CSMD1: variants seen among roughly 807,000 people sequenced by gnomAD.
The protein encoded by CSMD1 is CUB and sushi domain-containing protein 1.
Under a neutral mutation model 417.5 loss-of-function variants are expected in CSMD1, and 213 were observed. That is an observed-to-expected ratio of 0.51 (90% confidence interval 0.46 to 0.57). CSMD1 has a LOEUF of 0.57. CSMD1 is among the 20% of genes least tolerant of loss of function. The pLI, the probability that CSMD1 is intolerant of heterozygous loss-of-function variation, is 0.00. For missense variants in CSMD1, 6,923 were observed against 4,529.7 expected, an observed-to-expected ratio of 1.53 and a Z score of -15.17; for synonymous variants, 2,862 against 1,736.8, an observed-to-expected ratio of 1.65 and a Z score of -16.11.
Position 3,700,273 on chromosome 8 carries a change from T to A in CSMD1, c.1009+8141A>T, listed in dbSNP as rs1391771009. The stretch of plus-strand genomic sequence containing the variant: ...CTTATGGAAAAAATACGAAAAATAA[T>A]TTTTTACAAAAGAAAATATACCTGC... On this transcript the variant is annotated intron_variant, in intron 7 of 69. Transcript: ENST00000635120. 2.6e-5 allele frequency among the ~76,000 whole-genome samples: 4 copies of A among 152,090 alleles called. 1 individual carries two copies. The South Asian group carries it at 6.2e-4, about 24-fold the overall frequency.
intron 1 of CSMD1, among the ~76,000 whole-genome samples, chr8:4,708,140 A>C (rs1808069135): frequency 6.6e-6 from 1 of 151,868 alleles, no homozygotes. Context: ...TTTTTTGTAG[A>C]GATGGAGTTT....
chr8:4,437,285 C>A (rs769955540), intron 2 of CSMD1, among the ~76,000 whole-genome samples: 1 of 152,010 alleles, frequency 6.6e-6, no homozygotes, highest in African/African-American at 2.4e-5. Context: ...TTTTAAGTAA[C>A]TGAAATATGA....
chr8:4,035,903 C>T (rs1010529433), intron 3 of CSMD1, among the ~76,000 whole-genome samples: 1 of 152,194 alleles, frequency 6.6e-6, no homozygotes, highest in African/African-American at 2.4e-5. Context: ...CCCTCACTCA[C>T]ACACAGACTC....
At position 3,186,852 on chromosome 8, in the gene CSMD1, T is replaced by G. The variant is rs1472995478; in HGVS notation, c.5620+1017A>C. Among the ~76,000 whole-genome samples the G allele has an allele frequency of 2.6e-5, 4 of 152,332 alleles. No homozygotes were observed. The East Asian group carries it at 5.8e-4, about 22-fold the overall frequency. The stretch of plus-strand genomic sequence containing the variant: ...GTAGCTAATCTTTGTTCTTCATTGG[T>G]AAAACAGAGATAGCAATAATCCCTT... On this transcript the variant is annotated intron_variant, in intron 36 of 69. Coordinates refer to ENST00000635120, the MANE Select transcript of CSMD1 (RefSeq NM_033225.6).
chr8:3,464,698 C>T (rs908347301), intron 12 of CSMD1, among the ~76,000 whole-genome samples: 1 of 151,412 alleles, frequency 6.6e-6, no homozygotes, highest in Non-Finnish European at 1.5e-5. Flanking sequence ...AAAATATATA[C>T]TAGTCATATA....
At chr8:3,182,218 G>C (rs899730290) in intron 36 of CSMD1, among the ~76,000 whole-genome samples, 3 of 152,098 alleles carry the variant, frequency 2.0e-5, no homozygotes, top group Non-Finnish European at 2.9e-5. Context: ...ATCATCCTTA[G>C]CTCACCACTT....
intron 5 of CSMD1, among the ~76,000 whole-genome samples, chr8:3,883,224 A>C (rs1341553646): frequency 6.6e-6 from 1 of 152,190 alleles, no homozygotes; most frequent in East Asian, 1.9e-4. Flanking sequence ...TCCTTGAATG[A>C]TTCATTTGAC....
chr8:2,980,554 G>A (rs1421859661), intron 54 of CSMD1, among the ~76,000 whole-genome samples: 2 of 152,040 alleles, frequency 1.3e-5, no homozygotes, highest in African/African-American at 4.8e-5. Context: ...TTCACTGGCA[G>A]ACATTTATTT....
At chr8:4,406,873 T>C (rs1042894804) in intron 3 of CSMD1, among the ~76,000 whole-genome samples, 1 of 152,224 alleles carries the variant, frequency 6.6e-6, no homozygotes, top group African/African-American at 2.4e-5. Context: ...ACAGCTCGTA[T>C]TGAGGGCCAT....
In CSMD1 at chr8:4,074,150, T is replaced by C. The variant is rs371698110; in HGVS notation, c.416-42051A>G. On this transcript the variant is annotated intron_variant, in intron 3 of 69. Transcript: ENST00000635120. ...TGATCATGCTCTCCACGTAAACATA[T>C]ACATATAATGCATAACTTGTATGGT... 3.4e-4 allele frequency among the ~76,000 whole-genome samples: 51 copies of C among 152,176 alleles called. No homozygotes were observed. In the East Asian group the frequency reaches 4.2e-3, roughly 13 times the overall value.
At chr8:3,999,089 T>G (rs1300300609) in intron 4 of CSMD1, among the ~76,000 whole-genome samples, 4 of 151,202 alleles carry the variant, frequency 2.6e-5, no homozygotes, top group African/African-American at 9.7e-5. Context: ...GAGAAGTATT[T>G]TAAAATAACA....
intron 1 of CSMD1, among the ~76,000 whole-genome samples, chr8:4,815,267 G>C (rs952485534): frequency 6.6e-6 from 1 of 151,884 alleles, no homozygotes; most frequent in Non-Finnish European, 1.5e-5. Flanking sequence ...ATTTGAATTG[G>C]CTTCAAACCA....
chr8:3,633,938 T>G (rs1305897051), intron 7 of CSMD1, among the ~76,000 whole-genome samples: 4 of 152,180 alleles, frequency 2.6e-5, no homozygotes, highest in Admixed American at 2.6e-4. Context: ...AAATATATCA[T>G]TCCATTTCAA....
intron 5 of CSMD1, among the ~76,000 whole-genome samples, chr8:3,816,719 G>C (rs1310271474): frequency 6.6e-6 from 1 of 152,092 alleles, no homozygotes; most frequent in Non-Finnish European, 1.5e-5. Context: ...TCATGGGAAT[G>C]TATTTAATTA....
intron 5 of CSMD1, among the ~76,000 whole-genome samples, chr8:3,900,195 CAGCTGGGTGACAGTGG>C (rs1201197886): frequency 1.3e-5 from 2 of 151,054 alleles, no homozygotes; most frequent in African/African-American, 4.9e-5. Context: ...GGTAACAGTG[CAGCTGGGTGACAGTGG>C]AGCTGGGTGA....
chr8:4,940,531 C>A (rs933863484), intron 1 of CSMD1, among the ~76,000 whole-genome samples: 2 of 152,210 alleles, frequency 1.3e-5, no homozygotes, highest in Non-Finnish European at 2.9e-5. Context: ...TTGCAGAAAT[C>A]AAACTGAAAA....
intron 3 of CSMD1, among the ~76,000 whole-genome samples, chr8:4,228,568 C>A (rs1326408464): frequency 6.8e-6 from 1 of 147,200 alleles, no homozygotes; most frequent in East Asian, 2.0e-4. Flanking sequence ...GTATCCTTGG[C>A]AATTCTCTTC....
intron 8 of CSMD1, among the ~76,000 whole-genome samples, chr8:3,607,278 G>A (rs1229393723): frequency 6.6e-6 from 1 of 152,102 alleles, no homozygotes; most frequent in Admixed American, 6.5e-5. Flanking sequence ...CAGGGGCAAG[G>A]ACACACATAA....
intron 3 of CSMD1, among the ~76,000 whole-genome samples, chr8:4,086,440 C>G (rs992685264): frequency 1.6e-4 from 24 of 152,254 alleles, no homozygotes; most frequent in African/African-American, 5.5e-4. Context: ...TCTTAAAATA[C>G]TACTATTACT....
Sources: gnomAD v4.1 joint callset for allele counts (sites outside exome capture counted in the v4.1 genomes callset) on GRCh38, gnomAD v4.1.1 for gene constraint, MANE v1.5 for transcripts, NCBI Gene and HGNC (gene_info 2026-07-23, HGNC 2026-07-21) for gene names.